OTUD4: variants seen among roughly 807,000 people sequenced by gnomAD.
The protein encoded by OTUD4 is OTU domain-containing protein 4.
OTUD4 carries 24 observed loss-of-function variants against 130.4 expected under a neutral mutation model. The ratio of observed to expected loss-of-function variants is 0.18; its 90% CI spans 0.13 to 0.26. OTUD4 has a LOEUF of 0.26. Among genes scored for constraint, OTUD4 ranks in the 10% least tolerant of loss-of-function variants. The probability of loss-of-function intolerance (pLI) is 1.00; values close to 1 mark genes in which losing one functional copy is unlikely to be tolerated. For missense variants in OTUD4, 1,031 were observed against 1,329.4 expected (o/e 0.78, Z 3.49); for synonymous variants, 420 against 472.5 (o/e 0.89, Z 1.44).
chr4:145,139,085 G>A (rs755250759), intron 20 of OTUD4, among the ~76,000 whole-genome samples: 7 of 152,134 alleles, frequency 4.6e-5, no homozygotes, highest in Non-Finnish European at 8.8e-5. Flanking sequence ...AGAGTACTCC[G>A]AATGTAAGGA....
chr4:145,179,576 T>C (rs962252769), intron 1 of OTUD4: 2 of 1,348,466 alleles, frequency 1.5e-6, no homozygotes, highest in Non-Finnish European at 1.9e-6. Context: ...CTCAACTCAT[T>C]ACCTCTTCAT....
At position 145,138,339 on chromosome 4, in the gene OTUD4, A is replaced by G. The variant is rs746113649; in HGVS notation, c.2436T>C (p.Ala812=). The G allele has an allele frequency of 1.9e-6, 3 of 1,614,194 alleles. No individual in the cohort carries two copies. In the South Asian group the frequency reaches 3.3e-5, roughly 18 times the overall value. Residue 812 remains alanine, a synonymous_variant, in exon 21 of 21, where the codon GCT becomes GCC. Transcript: ENST00000447906. Reference sequence around the variant, plus strand: ...GCCCAGGGGTCTCAGATTCAAGATCAGCCTGGTAAGACAATTGTCCATGAC... The same window carrying G: ...GCCCAGGGGTCTCAGATTCAAGATCGGCCTGGTAAGACAATTGTCCATGAC... The part of the protein sequence containing the change: ...SESHGQLSYQ[A]DLESETPGQL...
chr4:145,150,018 C>T (rs1048289302), intron 13 of OTUD4, among the ~76,000 whole-genome samples: 5 of 152,172 alleles, frequency 3.3e-5, no homozygotes, highest in Non-Finnish European at 7.3e-5. Flanking sequence ...GATACTTAGT[C>T]AGAATGCTGA....
chr4:145,152,122 T>C (rs1477339502), intron 11 of OTUD4, among the ~76,000 whole-genome samples: 1 of 152,166 alleles, frequency 6.6e-6, no homozygotes, highest in Non-Finnish European at 1.5e-5. Context: ...GGAACAAATA[T>C]ACTTTCTTTT....
At chr4:145,156,171 TA>T (rs1258474235) in intron 7 of OTUD4, among the ~76,000 whole-genome samples, 175 bp from the exon 8 acceptor site, 1 of 152,218 alleles carries the variant, frequency 6.6e-6, no homozygotes, top group African/African-American at 2.4e-5. Context: ...TATATGTATG[TA>T]AATGTGTGTA....
chr4:145,137,749 G>A lies in OTUD4; in HGVS notation c.3026C>T (p.Ala1009Val), dbSNP rs1750350860. Reference protein sequence around the residue: ...KTAADVVSPGANSVDSRVQRP... With the variant: ...KTAADVVSPGVNSVDSRVQRP... ...TTGCACTCTGCTATCAACAGAGTTGGCCCCAGGGCTGACCACATCAGCAGC... is the reference window on the plus strand; with the variant it reads ...TTGCACTCTGCTATCAACAGAGTTGACCCCAGGGCTGACCACATCAGCAGC... The change falls in exon 21 of 21, where the codon GCC (alanine) becomes GTC (valine). Residue 1009 changes from alanine to valine, a missense_variant. By Grantham distance (64) the Ala-to-Val change is moderately conservative. Coordinates refer to ENST00000447906, the MANE Select transcript of OTUD4 (RefSeq NM_001366057.1). The A allele has an allele frequency of 6.2e-7, 1 of 1,613,786 alleles. No homozygotes were observed. Among genetic ancestry groups the A allele is most frequent in the Non-Finnish European group, 8.5e-7 (1 of 1,179,874 alleles).
At chr4:145,155,272 T>C (rs975781506) in intron 10 of OTUD4, 139 bp downstream of exon 10, 2 of 681,800 alleles carry the variant, frequency 2.9e-6, no homozygotes, top group African/African-American at 1.8e-5. Context: ...TTGTAAACTA[T>C]TAAAATGTAT....
chr4:145,147,595 T>C (rs192367281), intron 13 of OTUD4, among the ~76,000 whole-genome samples: 221 of 152,350 alleles, frequency 1.5e-3, no homozygotes, highest in African/African-American at 5.1e-3. Flanking sequence ...TTCATCTAGC[T>C]TGAAGACAGA....
intron 6 of OTUD4, among the ~76,000 whole-genome samples, chr4:145,160,831 G>A (rs1751525303): frequency 6.6e-6 from 1 of 151,534 alleles, no homozygotes; most frequent in Non-Finnish European, 1.5e-5. Context: ...GCAAAGGCCG[G>A]ACAGGATAGC....
intron 2 of OTUD4, among the ~76,000 whole-genome samples, chr4:145,172,119 T>A (rs752279613): frequency 1.8e-4 from 28 of 152,060 alleles, no homozygotes; most frequent in Admixed American, 9.8e-4. Context: ...TGGAACTGAG[T>A]GGGAGAAGAA....
chr4:145,174,642 GTT>G lies in OTUD4; in HGVS notation c.243+17_243+18del. 7.0e-7 allele frequency: 1 copy of G among 1,420,378 alleles called. No individual in the cohort carries two copies. Among genetic ancestry groups the G allele is most frequent in the Non-Finnish European group, 1.0e-6 (1 of 1,003,158 alleles). The allele number at this position is 1,420,378 out of a possible 1,614,324, so 88.0% of individuals were successfully genotyped here. On this transcript the variant is annotated intron_variant, in intron 2 of 20. Coordinates refer to ENST00000447906, the MANE Select transcript of OTUD4 (RefSeq NM_001366057.1). Reference sequence around the variant, plus strand: ...AAACCAAGTCAAGACACCATTACATGTTTGAAATTACAAGTTACCGCTTCAAA... The same window carrying G: ...AAACCAAGTCAAGACACCATTACATGTGAAATTACAAGTTACCGCTTCAAA...
Position 145,150,586 on chromosome 4 carries a change from A to G in OTUD4, c.1186T>C (p.Ser396Pro). 2 of 1,613,306 alleles carry G rather than the reference A, an allele frequency of 1.2e-6. No homozygotes were observed. Among genetic ancestry groups the G allele is most frequent in the Non-Finnish European group, 1.7e-6 (2 of 1,179,318 alleles). The change falls in exon 13 of 21, where the codon TCT (serine) becomes CCT (proline). Residue 396 changes from serine to proline, a missense_variant. By Grantham distance (74) the Ser-to-Pro change is moderately conservative. Around this residue, in one of 3 missense-constraint regions of OTUD4, gnomAD observed 900 missense variants for 1,095.9 expected, o/e 0.82. Coordinates refer to ENST00000447906, the MANE Select transcript of OTUD4 (RefSeq NM_001366057.1). ...GVRQHAFSSH[S>P]SGSQSQKFSS... The stretch of plus-strand genomic sequence containing the variant: ...AATTTCTGAGACTGTGACCCTGAAG[A>G]ATGACTAGAGAACGCATGTTGTCTT...
At chr4:145,146,666 CAG>C (rs1750842801) in intron 13 of OTUD4, among the ~76,000 whole-genome samples, 2 of 151,898 alleles carry the variant, frequency 1.3e-5, no homozygotes, top group South Asian at 2.1e-4. Flanking sequence ...GCCTACCTTA[CAG>C]AGAGTCAAGA....
chr4:145,152,388 G>A (rs1408074213), intron 11 of OTUD4, among the ~76,000 whole-genome samples, 153 bp downstream of exon 11: 1 of 152,114 alleles, frequency 6.6e-6, no homozygotes, highest in African/African-American at 2.4e-5. Context: ...TAGGATTACA[G>A]GCATGAGCCA....
intron 5 of OTUD4, 130 bp from the exon 6 acceptor site, chr4:145,162,851 C>G (rs572872834): frequency 4.9e-5 from 24 of 490,830 alleles, no homozygotes; most frequent in Non-Finnish European, 8.1e-5. Flanking sequence ...TAGGAGTAAC[C>G]TAAAGCTTCA....
intron 3 of OTUD4, among the ~76,000 whole-genome samples, chr4:145,166,286 T>C (rs892800971): frequency 1.3e-5 from 2 of 152,254 alleles, no homozygotes; most frequent in South Asian, 2.1e-4. Flanking sequence ...GTCCTAGCAA[T>C]TGTTTTGAAA....
intron 1 of OTUD4, 142 bp from the exon 2 acceptor site, chr4:145,174,886 T>G (rs1434759405): frequency 1.7e-6 from 1 of 603,880 alleles, no homozygotes; most frequent in East Asian, 2.8e-5. Flanking sequence ...TTCGATATCT[T>G]TACTCATTCC....
At chr4:145,151,569 A>C (rs1159857361) in intron 11 of OTUD4, among the ~76,000 whole-genome samples, 1 of 152,110 alleles carries the variant, frequency 6.6e-6, no homozygotes, top group Non-Finnish European at 1.5e-5. Context: ...CGGGAAGCGG[A>C]GGTTGCAGTG....
chr4:145,166,553 T>C (rs1248037521), intron 3 of OTUD4, among the ~76,000 whole-genome samples: 2 of 150,894 alleles, frequency 1.3e-5, no homozygotes, highest in Non-Finnish European at 2.9e-5. Context: ...AAATAATTCA[T>C]GTTTCAGGCA....
Sources: allele counts gnomAD v4.1 joint callset (sites outside exome capture counted in the v4.1 genomes callset), GRCh38; gene constraint gnomAD v4.1.1; regional missense constraint gnomAD v4.1.1; transcripts MANE v1.5; gene names NCBI Gene and HGNC (gene_info 2026-07-23, HGNC 2026-07-21).